C1orf21: variants seen among roughly 807,000 people sequenced by gnomAD.
The protein encoded by C1orf21 is uncharacterized protein C1orf21.
A neutral mutation model predicts 18.7 loss-of-function variants in C1orf21; 3 were observed. That is an observed-to-expected ratio of 0.16 (90% CI 0.07 to 0.42). The LOEUF (loss-of-function observed/expected upper bound fraction) is 0.42, where lower values mean the gene tolerates loss of function less well. Ranked by LOEUF, C1orf21 falls within the 10% of genes least tolerant of loss-of-function variation. C1orf21 has a pLI of 0.99. For synonymous variants in C1orf21, 41 were observed against 46.4 expected (o/e 0.88, Z 0.47); for missense variants, 104 against 143.6 (o/e 0.72, Z 1.41).
In C1orf21 at chr1:184,619,862, T is replaced by G. The variant is rs1571305948; in HGVS notation, c.*306T>G. On this transcript the variant is annotated 3_prime_UTR_variant, in exon 6 of 6. Coordinates refer to ENST00000235307, the MANE Select transcript of C1orf21 (RefSeq NM_030806.4). ...TTCTGCAATTTCACCTTAAAGATAC[T>G]GTTGGTTTTACAGATGCTCTCCAAC... is the stretch of plus-strand genomic sequence containing the variant. 1 of 270,362 alleles carries G rather than the reference T, an allele frequency of 3.7e-6. No individual in the cohort carries two copies. The highest frequency in any genetic ancestry group is 9.0e-5 in the East Asian group (1 of 11,060). The allele number at this position is 270,362 out of a possible 1,614,324, so 16.7% of individuals were successfully genotyped here.
chr1:184,434,465 C>T (rs762116809), intron 1 of C1orf21, among the ~76,000 whole-genome samples: 25 of 152,058 alleles, frequency 1.6e-4, no homozygotes, highest in African/African-American at 5.1e-4. Flanking sequence ...TAATAGCATT[C>T]GACGAAAGAG....
chr1:184,485,050 A>G (rs975688386), intron 2 of C1orf21, among the ~76,000 whole-genome samples: 1 of 152,230 alleles, frequency 6.6e-6, no homozygotes, highest in Admixed American at 6.5e-5. Context: ...AGGCAAAGTC[A>G]TAATTCACTG....
intron 5 of C1orf21, among the ~76,000 whole-genome samples, chr1:184,619,183 G>C (rs990603382): frequency 6.6e-6 from 1 of 152,172 alleles, no homozygotes; most frequent in African/African-American, 2.4e-5. Flanking sequence ...CATTCTTCCT[G>C]ATAAGAAATT....
At chr1:184,435,949 A>T (rs1390840875) in intron 1 of C1orf21, among the ~76,000 whole-genome samples, 1 of 152,226 alleles carries the variant, frequency 6.6e-6, no homozygotes, top group Non-Finnish European at 1.5e-5. Context: ...GAGGTGGAGT[A>T]CCATGTGACA....
chr1:184,509,559 GT>G (rs1658113541), intron 3 of C1orf21, among the ~76,000 whole-genome samples: 1 of 152,032 alleles, frequency 6.6e-6, no homozygotes, highest in Non-Finnish European at 1.5e-5. Flanking sequence ...TTGGTAATTT[GT>G]TGTCTTTGTT....
chr1:184,421,309 T>C (rs1407883351), intron 1 of C1orf21, among the ~76,000 whole-genome samples: 1 of 152,192 alleles, frequency 6.6e-6, no homozygotes, highest in African/African-American at 2.4e-5. Context: ...TCTCACTGTG[T>C]TGCCCAGCCT....
chr1:184,474,623 A>G (rs1404577492), intron 1 of C1orf21, among the ~76,000 whole-genome samples: 26 of 152,184 alleles, frequency 1.7e-4, no homozygotes, highest in Admixed American at 1.6e-3. Flanking sequence ...GAGGCTGTAG[A>G]TATGAAATTG....
chr1:184,579,662 C>G lies in C1orf21; in HGVS notation c.190-11077C>G, dbSNP rs191144968. 1.4e-3 allele frequency among the ~76,000 whole-genome samples: 215 copies of G among 151,802 alleles called. 1 individual carries two copies. The highest frequency in any genetic ancestry group is 6.8e-3 in the Middle Eastern group (2 of 294). The stretch of plus-strand genomic sequence containing the variant: ...AGTAGCTGGGATTACAGGCACCCAC[C>G]ACCACACCTGGCTAATTTTTGTATT... On this transcript the variant is annotated intron_variant, in intron 3 of 5. Coordinates refer to ENST00000235307, the MANE Select transcript of C1orf21 (RefSeq NM_030806.4).
At chr1:184,504,737 T>G (rs1175388602) in intron 2 of C1orf21, among the ~76,000 whole-genome samples, 1 of 152,226 alleles carries the variant, frequency 6.6e-6, no homozygotes, top group Non-Finnish European at 1.5e-5. Context: ...TGATGGATTT[T>G]GTGCGGTGTG....
intron 1 of C1orf21, among the ~76,000 whole-genome samples, chr1:184,427,672 A>G (rs886626569): frequency 6.6e-6 from 1 of 152,146 alleles, no homozygotes; most frequent in African/African-American, 2.4e-5. Context: ...AGGAAACTCC[A>G]CTTCCTGATC....
At chr1:184,438,745 A>T (rs977197201) in intron 1 of C1orf21, among the ~76,000 whole-genome samples, 7 of 152,180 alleles carry the variant, frequency 4.6e-5, no homozygotes, top group Non-Finnish European at 7.3e-5. Flanking sequence ...TTCTTAAATT[A>T]AAAACCTCAG....
intron 3 of C1orf21, among the ~76,000 whole-genome samples, chr1:184,508,844 A>C (rs1230559862): frequency 1.3e-5 from 2 of 152,236 alleles, no homozygotes; most frequent in Non-Finnish European, 2.9e-5. Context: ...GTATTTTAAC[A>C]TTAACACTTA....
Position 184,620,898 on chromosome 1 carries a change from A to G in C1orf21, c.*1342A>G, listed in dbSNP as rs1241546358. 2 of 152,592 alleles carry G rather than the reference A, an allele frequency of 1.3e-5. No individual in the cohort carries two copies. The highest frequency in any genetic ancestry group is 4.8e-5 in the African/African-American group (2 of 41,436). The allele number at this position is 152,592 out of a possible 1,614,324, so 9.5% of individuals were successfully genotyped here. A position where few individuals can be genotyped will look rare whatever the true frequency, so the allele number is the denominator to read the frequency against. ...CTTTTGTATTTTTTTAATGTGTTTG[A>G]TAGCTTTGACGAGGGTTCTCTTTGT... On this transcript the variant is annotated 3_prime_UTR_variant, in exon 6 of 6. Transcript: ENST00000235307.
At chr1:184,512,093 C>T (rs1453871970) in intron 3 of C1orf21, among the ~76,000 whole-genome samples, 1 of 152,178 alleles carries the variant, frequency 6.6e-6, no homozygotes, top group Non-Finnish European at 1.5e-5. Flanking sequence ...TACTTCAAGG[C>T]CCTCCCTAGG....
intron 1 of C1orf21, among the ~76,000 whole-genome samples, chr1:184,471,090 AGGTAACACAGAGGAGTTTTCT>A: frequency 6.6e-6 from 1 of 152,266 alleles, no homozygotes; most frequent in Middle Eastern, 3.4e-3. Flanking sequence ...CAACATACAC[AGGTAACACAGAGGAGTTTTCT>A]GGTGCAGGAG....
intron 3 of C1orf21, among the ~76,000 whole-genome samples, chr1:184,555,249 A>T (rs1658861950): frequency 1.3e-5 from 2 of 152,166 alleles, no homozygotes; most frequent in African/African-American, 4.8e-5. Flanking sequence ...GGAACCAGAC[A>T]TCTCCCCTCC....
chr1:184,477,337 G>T (rs2101990518), intron 1 of C1orf21, 49 bp from the exon 2 acceptor site: 1 of 589,068 alleles, frequency 1.7e-6, no homozygotes, highest in East Asian at 2.9e-5. Context: ...TGAGGCTTGT[G>T]TTTTGCTGCA....
chr1:184,515,182 T>C (rs941507699), intron 3 of C1orf21, among the ~76,000 whole-genome samples: 8 of 152,208 alleles, frequency 5.3e-5, no homozygotes, highest in African/African-American at 1.9e-4. Context: ...TGGAGTTGGG[T>C]CAGGTGGGAA....
intron 5 of C1orf21, among the ~76,000 whole-genome samples, chr1:184,607,296 G>T (rs945757332): frequency 1.3e-5 from 2 of 152,194 alleles, no homozygotes; most frequent in Non-Finnish European, 2.9e-5. Flanking sequence ...ATCATGGTCA[G>T]TATCTACCTT....
Sources: gnomAD v4.1 joint callset for allele counts (sites outside exome capture counted in the v4.1 genomes callset) on GRCh38, gnomAD v4.1.1 for gene constraint, MANE v1.5 for transcripts, NCBI Gene and HGNC (gene_info 2026-07-23, HGNC 2026-07-21) for gene names.